The following DNAJC24 variants were observed in gnomAD, a reference collection of about 807,000 sequenced individuals.
DNAJC24 encodes dnaJ homolog subfamily C member 24.
Under a neutral mutation model 18.0 loss-of-function variants are expected in DNAJC24, and 17 were observed. The ratio of observed to expected loss-of-function variants is 0.94; its 90% confidence interval spans 0.65 to 1.42. The LOEUF is 1.42. Ranked by LOEUF, DNAJC24 falls within the 40% of genes most tolerant of loss-of-function variation. The pLI is 0.00. For missense variants in DNAJC24, 158 were observed against 175.6 expected (o/e 0.90, Z 0.57); for synonymous variants, 55 against 57.7 (o/e 0.95, Z 0.21).
chr11:31,399,625 G>T (rs2133484365), intron 2 of DNAJC24, among the ~76,000 whole-genome samples: 1 of 151,352 alleles, frequency 6.6e-6, no homozygotes, highest in African/African-American at 2.4e-5. Context: ...TATTGGCCAG[G>T]CTGGCCTCGA....
intron 2 of DNAJC24, among the ~76,000 whole-genome samples, chr11:31,376,614 T>G (rs1304860897): frequency 2.6e-5 from 4 of 152,326 alleles, no homozygotes; most frequent in African/African-American, 9.6e-5. Context: ...AAGTGGTTTG[T>G]CAGAAACACA....
intron 2 of DNAJC24, 58 bp downstream of exon 2, chr11:31,370,917 A>G (rs778704401): frequency 9.8e-6 from 11 of 1,118,224 alleles, no homozygotes; most frequent in Non-Finnish European, 1.4e-5. Context: ...TTTTTATATG[A>G]AACCACAAAT....
intron 2 of DNAJC24, among the ~76,000 whole-genome samples, chr11:31,399,721 T>G (rs1362546848): frequency 2.0e-5 from 3 of 150,278 alleles, no homozygotes; most frequent in Non-Finnish European, 4.4e-5. Context: ...CTCTTTTTTT[T>G]TTTTTTAACT....
At chr11:31,422,698 A>G (rs1952818628) in intron 3 of DNAJC24, among the ~76,000 whole-genome samples, 1 of 152,202 alleles carries the variant, frequency 6.6e-6, no homozygotes. Context: ...ATTAAAGCTA[A>G]TTACAGGGTT....
At chr11:31,405,646 A>T (rs899434931) in intron 2 of DNAJC24, among the ~76,000 whole-genome samples, 4 of 151,638 alleles carry the variant, frequency 2.6e-5, no homozygotes, top group Admixed American at 6.6e-5. Flanking sequence ...TGTTGTAGAG[A>T]TGAGTTCTGT....
In DNAJC24 at chr11:31,430,334, C is replaced by A. The variant is rs181756989; in HGVS notation, c.383C>A (p.Ala128Glu). The A allele has an allele frequency of 1.2e-6, 2 of 1,611,028 alleles. No individual in the cohort carries two copies. Among genetic ancestry groups the A allele is most frequent in the Non-Finnish European group, 1.7e-6 (2 of 1,177,878 alleles). Residue 128 changes from alanine to glutamate, a missense_variant, in exon 5 of 5, where the codon GCG (alanine) becomes GAG (glutamate). Coordinates refer to ENST00000465995, the MANE Select transcript of DNAJC24 (RefSeq NM_181706.5). ...AAATACAGTGTTTCCAAGGATGAAG[C>A]GGAAGAAGTTAGCCTGATTTCTTGT... is the stretch of plus-strand genomic sequence containing the variant. ...GGKYSVSKDEAEEVSLISCDT... is the reference protein window; with the variant it reads ...GGKYSVSKDEEEEVSLISCDT...
intron 2 of DNAJC24, among the ~76,000 whole-genome samples, chr11:31,399,853 C>T (rs1391843198): frequency 6.9e-6 from 1 of 145,682 alleles, no homozygotes. Context: ...ATCAACTCAT[C>T]ATCTAGGTTT....
chr11:31,429,951 T>C (rs1484123950), intron 4 of DNAJC24: 10 of 173,318 alleles, frequency 5.8e-5, no homozygotes, highest in African/African-American at 2.4e-4. Context: ...ATGTAAAATT[T>C]ATATGAATTT....
chr11:31,430,345 AG>A lies in DNAJC24; in HGVS notation c.395del (p.Ser132ThrfsTer2), dbSNP rs1564960308. The A allele has an allele frequency of 1.2e-6, 2 of 1,611,380 alleles. No individual in the cohort carries two copies. The highest frequency in any genetic ancestry group is 2.2e-5 in the South Asian group (2 of 90,826). On this transcript the variant is annotated frameshift_variant, in exon 5 of 5. Transcript: ENST00000465995. ...TTCCAAGGATGAAGCGGAAGAAGTT[AG>A]CCTGATTTCTTGTGATACATGTTCA... ...SVSKDEAEEV[S>X]LISCDTCSLI...
intron 4 of DNAJC24, 38 bp downstream of exon 4, chr11:31,426,393 A>G: frequency 8.1e-7 from 1 of 1,233,662 alleles, no homozygotes. Context: ...ATTTAAAAAA[A>G]AAAGGAATTT....
chr11:31,429,479 A>G, intron 4 of DNAJC24: 1 of 402,290 alleles, frequency 2.5e-6, no homozygotes, highest in East Asian at 7.3e-5. Flanking sequence ...TTTTCCTTTG[A>G]CAGTTACTTC....
chr11:31,406,639 T>G (rs1952660651), intron 2 of DNAJC24, among the ~76,000 whole-genome samples: 1 of 152,162 alleles, frequency 6.6e-6, no homozygotes, highest in African/African-American at 2.4e-5. Context: ...CCTTTAAAAT[T>G]TATGAGCTGG....
chr11:31,414,756 TAACC>T, intron 2 of DNAJC24, 51 bp from the exon 3 acceptor site: 1 of 1,531,232 alleles, frequency 6.5e-7, no homozygotes, highest in Non-Finnish European at 8.8e-7. Context: ...TTTTTAAATC[TAACC>T]CCACTCAGCT....
intron 2 of DNAJC24, among the ~76,000 whole-genome samples, chr11:31,390,753 G>A (rs1952487434): frequency 6.8e-6 from 1 of 146,924 alleles, no homozygotes. Context: ...GAAAAGCCCA[G>A]CACCCAATGG....
At chr11:31,399,249 A>G (rs1046507572) in intron 2 of DNAJC24, among the ~76,000 whole-genome samples, 8 of 152,310 alleles carry the variant, frequency 5.3e-5, no homozygotes, top group African/African-American at 1.9e-4. Context: ...GTATAACATT[A>G]TATTTTAGAG....
At chr11:31,403,124 C>CGTGTGTGT (rs1952617640) in intron 2 of DNAJC24, among the ~76,000 whole-genome samples, 1 of 113,084 alleles carries the variant, frequency 8.8e-6, no homozygotes, top group Middle Eastern at 5.0e-3. Context: ...TGCATATATG[C>CGTGTGTGT]ATGTGTGTGT....
At chr11:31,410,896 T>C (rs1952701966) in intron 2 of DNAJC24, among the ~76,000 whole-genome samples, 1 of 152,230 alleles carries the variant, frequency 6.6e-6, no homozygotes, top group African/African-American at 2.4e-5. Context: ...ATAGGGATTG[T>C]ATTAATATAT....
intron 2 of DNAJC24, among the ~76,000 whole-genome samples, chr11:31,399,533 C>T (rs1019375344): frequency 6.6e-6 from 1 of 151,430 alleles, no homozygotes; most frequent in East Asian, 2.0e-4. Flanking sequence ...TCTGCCTCAG[C>T]TTCCTGAGTA....
intron 2 of DNAJC24, chr11:31,385,004 T>G (rs1952413898): frequency 6.6e-6 from 1 of 152,190 alleles, no homozygotes; most frequent in Non-Finnish European, 1.5e-5. Context: ...AAAGAGTTTT[T>G]AAAAAGCCTC....
Sources: allele counts gnomAD v4.1 joint callset (sites outside exome capture counted in the v4.1 genomes callset), GRCh38; gene constraint gnomAD v4.1.1; transcripts MANE v1.5; gene names NCBI Gene and HGNC (gene_info 2026-07-23, HGNC 2026-07-21).